Variants in ACSL1 observed in about 807,000 individuals in gnomAD.
ACSL1 encodes acyl-CoA synthetase long chain family member 1.
ACSL1 carries 41 observed loss-of-function variants against 98.4 expected under a neutral mutation model. That is an observed-to-expected ratio of 0.42 (90% CI 0.32 to 0.54). ACSL1 has a LOEUF of 0.54. Among genes scored for constraint, ACSL1 ranks in the 20% least tolerant of loss-of-function variants. ACSL1 has a pLI of 0.13. For synonymous variants in ACSL1, 316 were observed against 322.7 expected (o/e 0.98, Z 0.22); for missense variants, 734 against 883.1 (o/e 0.83, Z 2.14).
Position 184,773,774 on chromosome 4 carries a change from C to T in ACSL1, c.790-60G>A. ...CAGAACAGAAAAGAGAACTATAAGC[C>T]ACAAGGTACCAGGCTAGATATTGAA... On this transcript the variant is annotated intron_variant, in intron 8 of 20. Transcript: ENST00000281455. This position sits in a 1 kb window ranked among gnomAD's most constrained non-coding sequence, Gnocchi z 4.3. 6.2e-7 allele frequency: 1 copy of T among 1,611,170 alleles called. No individual in the cohort carries two copies. The highest frequency in any genetic ancestry group is 8.5e-7 in the Non-Finnish European group (1 of 1,179,148).
At chr4:184,777,762 GC>G (rs1399874301) in intron 5 of ACSL1, among the ~76,000 whole-genome samples, 1 of 151,682 alleles carries the variant, frequency 6.6e-6, no homozygotes, top group Non-Finnish European at 1.5e-5. Context: ...AACTGAGATT[GC>G]CTTTGGAAAG....
At chr4:184,815,491 G>GA (rs1019796516) in intron 1 of ACSL1, among the ~76,000 whole-genome samples, 1 of 149,726 alleles carries the variant, frequency 6.7e-6, no homozygotes, top group Non-Finnish European at 1.5e-5. Context: ...CCCAGGCCTG[G>GA]GGGGGGAAAC....
intron 1 of ACSL1, chr4:184,814,935 CA>C (rs1208547038): frequency 4.5e-6 from 2 of 443,870 alleles, no homozygotes; most frequent in East Asian, 7.0e-5. Context: ...CTGAACATTC[CA>C]GGGGGATAAC....
intron 1 of ACSL1, chr4:184,815,127 G>C (rs1772508438): frequency 2.2e-6 from 1 of 456,156 alleles, no homozygotes; most frequent in Non-Finnish European, 4.4e-6. Flanking sequence ...AGGAATCTAG[G>C]GGAGGGAGAA....
rs1045218672 is a variant in ACSL1 at position 184,766,174 on chromosome 4, G to T, written c.1264-188C>A. ...CTACGGTTTGTTTCCACCCGTGACTGCCCTGTTCCCTCCCAATGGGGATGG... is the reference window on the plus strand; with the variant it reads ...CTACGGTTTGTTTCCACCCGTGACTTCCCTGTTCCCTCCCAATGGGGATGG... On this transcript the variant is annotated intron_variant, in intron 13 of 20. Coordinates refer to ENST00000281455, the MANE Select transcript of ACSL1 (RefSeq NM_001995.5). The surrounding 1 kb of genome is among the most constrained non-coding windows in gnomAD (Gnocchi z 4.8). Among the ~76,000 whole-genome samples, 1 of 152,206 alleles carries T rather than the reference G, an allele frequency of 6.6e-6. No individual in the cohort carries two copies. The highest frequency in any genetic ancestry group is 6.5e-5 in the Admixed American group (1 of 15,282).
chr4:184,820,979 G>C (rs1377018948), intron 1 of ACSL1: 2 of 455,344 alleles, frequency 4.4e-6, no homozygotes, highest in Non-Finnish European at 8.8e-6. Flanking sequence ...AAGCCAGACT[G>C]CCTAGGTTCA....
chr4:184,801,950 G>A (rs1308045839), intron 2 of ACSL1, among the ~76,000 whole-genome samples: 1 of 152,198 alleles, frequency 6.6e-6, no homozygotes, highest in Non-Finnish European at 1.5e-5. Flanking sequence ...TCTTAACACT[G>A]CACTTGCCAA....
chr4:184,817,097 T>C (rs981627722), intron 1 of ACSL1, among the ~76,000 whole-genome samples: 3 of 152,186 alleles, frequency 2.0e-5, no homozygotes, highest in African/African-American at 7.2e-5. Flanking sequence ...AGACAAAACA[T>C]ACTCTGGAGT....
chr4:184,794,684 A>G (rs1004486031), intron 2 of ACSL1, among the ~76,000 whole-genome samples: 2 of 152,174 alleles, frequency 1.3e-5, no homozygotes, highest in African/African-American at 4.8e-5. Context: ...AACCTAGCTC[A>G]ATGAGACATC....
intron 1 of ACSL1, among the ~76,000 whole-genome samples, chr4:184,820,579 T>C (rs1197162200): frequency 6.6e-6 from 1 of 152,126 alleles, no homozygotes; most frequent in Non-Finnish European, 1.5e-5. Flanking sequence ...CTTCCTGTCT[T>C]ACTGCCAGCT....
At chr4:184,771,265 T>C (rs972402537) in intron 10 of ACSL1, among the ~76,000 whole-genome samples, 1 of 152,190 alleles carries the variant, frequency 6.6e-6, no homozygotes. Flanking sequence ...CTCTAATCAG[T>C]TAGTATTTCA....
At chr4:184,816,602 A>G (rs1772656988) in intron 1 of ACSL1, among the ~76,000 whole-genome samples, 1 of 152,190 alleles carries the variant, frequency 6.6e-6, no homozygotes, top group South Asian at 2.1e-4. Flanking sequence ...ATGAAAATTC[A>G]AATCTATTCA....
chr4:184,762,619 C>G, intron 16 of ACSL1, 96 bp from the exon 17 acceptor site: 1 of 1,099,994 alleles, frequency 9.1e-7, no homozygotes, highest in Non-Finnish European at 1.4e-6. Context: ...CTGCCCCAAC[C>G]TTTAGCTGGA....
At chr4:184,796,351 T>C (rs1307916503) in intron 2 of ACSL1, among the ~76,000 whole-genome samples, 1 of 152,216 alleles carries the variant, frequency 6.6e-6, no homozygotes, top group Non-Finnish European at 1.5e-5. Flanking sequence ...ATATCCATCC[T>C]ATTAGCTCTG....
chr4:184,763,797 G>A (rs1480801736), intron 15 of ACSL1, among the ~76,000 whole-genome samples: 1 of 152,190 alleles, frequency 6.6e-6, no homozygotes, highest in Non-Finnish European at 1.5e-5. Flanking sequence ...CTTGCCAAAG[G>A]CTGTTAAGAC....
intron 16 of ACSL1, 88 bp downstream of exon 16, chr4:184,763,078 TG>T: frequency 2.3e-6 from 3 of 1,329,152 alleles, no homozygotes; most frequent in Non-Finnish European, 3.1e-6. Flanking sequence ...ATGGCTTTAT[TG>T]AGCTGTTGGG....
chr4:184,816,317 T>C (rs141083087), intron 1 of ACSL1, among the ~76,000 whole-genome samples: 1 of 151,916 alleles, frequency 6.6e-6, no homozygotes, highest in African/African-American at 2.4e-5. Flanking sequence ...ATTTAGCTCA[T>C]CGTATTGGGA....
rs183060782 is a variant in ACSL1 at position 184,761,956 on chromosome 4, G to A, written c.1638+451C>T. ...AGCCTGGCCAACATGGTGAAACCCCGTCTCTACTAAAAATATAAAAATCAG... is the reference window on the plus strand; with the variant it reads ...AGCCTGGCCAACATGGTGAAACCCCATCTCTACTAAAAATATAAAAATCAG... On this transcript the variant is annotated intron_variant, in intron 17 of 20. Coordinates refer to ENST00000281455, the MANE Select transcript of ACSL1 (RefSeq NM_001995.5). Among the ~76,000 whole-genome samples the A allele has an allele frequency of 4.4e-3, 664 of 152,042 alleles. 6 individuals carry two copies. The highest frequency in any genetic ancestry group is 0.015 in the African/African-American group (633 of 41,482).
chr4:184,757,848 CT>C lies in ACSL1; in HGVS notation c.1854del (p.Ser620ArgfsTer20), dbSNP rs1366963782. On this transcript the variant is annotated frameshift_variant, in exon 19 of 21. Coordinates refer to ENST00000281455, the MANE Select transcript of ACSL1 (RefSeq NM_001995.5). LOFTEE classifies it high-confidence loss of function. The surrounding 1 kb of genome is among the most constrained non-coding windows in gnomAD (Gnocchi z 4.5). ...TTTCTGCACAGTTCCTCAAACGACCCTTCAAATCCTCTCTTTTGGGCCCAGG... is the reference window on the plus strand; with the variant it reads ...TTTCTGCACAGTTCCTCAAACGACCCTCAAATCCTCTCTTTTGGGCCCAGG... ...LCSWAQKRGF[E>X]GSFEELCRNK... The C allele has an allele frequency of 6.2e-7, 1 of 1,614,164 alleles. No homozygotes were observed. The highest frequency in any genetic ancestry group is 1.7e-5 in the Admixed American group (1 of 60,030).
Sources: allele counts gnomAD v4.1 joint callset (sites outside exome capture counted in the v4.1 genomes callset), GRCh38; gene constraint gnomAD v4.1.1; non-coding constraint Gnocchi (gnomAD v3.1); transcripts MANE v1.5; gene names NCBI Gene and HGNC (gene_info 2026-07-23, HGNC 2026-07-21).